The following TRAK1 variants were observed in gnomAD, a reference collection of about 807,000 sequenced individuals.
TRAK1 encodes trafficking kinesin protein 1.
In TRAK1, 33 loss-of-function variants were observed where a neutral mutation model predicts 92.1. The ratio of observed to expected loss-of-function variants is 0.36; its 90% CI spans 0.27 to 0.48. The LOEUF (loss-of-function observed/expected upper bound fraction) is 0.48, where lower values mean the gene tolerates loss of function less well. Among genes scored for constraint, TRAK1 ranks in the 20% least tolerant of loss-of-function variants. The pLI is 0.99. For missense variants in TRAK1, 1,123 were observed against 1,257.9 expected, an observed-to-expected ratio of 0.89 and a Z score of 1.62; for synonymous variants, 521 against 517.3, an observed-to-expected ratio of 1.01 and a Z score of -0.10.
intron 1 of TRAK1, among the ~76,000 whole-genome samples, chr3:42,108,006 C>A (rs1707829227): frequency 6.6e-6 from 1 of 151,820 alleles, no homozygotes; most frequent in Non-Finnish European, 1.5e-5. Flanking sequence ...GTAGGGAAGG[C>A]AGCCTTTGAG....
chr3:42,037,525 G>A (rs908415037), intron 1 of TRAK1, among the ~76,000 whole-genome samples: 1 of 152,254 alleles, frequency 6.6e-6, no homozygotes, highest in Non-Finnish European at 1.5e-5. Context: ...GGTGTTTACA[G>A]TCTGGTACTA....
intron 2 of TRAK1, chr3:42,149,276 C>A: frequency 2.9e-6 from 4 of 1,363,048 alleles, no homozygotes; most frequent in Non-Finnish European, 3.8e-6. Context: ...GGCAGTGCTG[C>A]CAGGGTCTCC....
chr3:42,058,300 C>CT (rs1432037269), intron 1 of TRAK1, among the ~76,000 whole-genome samples: 3 of 152,140 alleles, frequency 2.0e-5, no homozygotes, highest in African/African-American at 7.2e-5. Context: ...ATTATGATAA[C>CT]TGAGGACTGG....
In TRAK1 at chr3:42,188,138, T is replaced by C. The variant is rs1384534691; in HGVS notation, c.574T>C (p.Ser192Pro). 10 of 1,613,924 alleles carry C rather than the reference T, an allele frequency of 6.2e-6. No individual in the cohort carries two copies. The change falls in exon 5 of 16, where the codon TCA (serine) becomes CCA (proline). Residue 192 changes from serine (S) to proline (P), a missense_variant. Ser to Pro is a moderately conservative substitution (Grantham distance 74). Transcript: ENST00000327628. ...AEESEPESVCSTPLKRNESSS... is the reference protein window; with the variant it reads ...AEESEPESVCPTPLKRNESSS... Reference sequence around the variant, plus strand: ...GGAGAGTGAGCCCGAGTCCGTTTGCTCAACCCCGTAAGTCACCAGAGGGCT... The same window carrying C: ...GGAGAGTGAGCCCGAGTCCGTTTGCCCAACCCCGTAAGTCACCAGAGGGCT...
chr3:42,057,029 TG>T (rs1423408905), intron 1 of TRAK1, among the ~76,000 whole-genome samples: 10 of 152,174 alleles, frequency 6.6e-5, no homozygotes, highest in Non-Finnish European at 1.2e-4. Context: ...AACAGGGACC[TG>T]GTGAAGGGCA....
At chr3:42,153,555 G>A (rs962023182) in intron 2 of TRAK1, among the ~76,000 whole-genome samples, 1 of 152,078 alleles carries the variant, frequency 6.6e-6, no homozygotes, top group Admixed American at 6.6e-5. Context: ...GGTAGGAGGT[G>A]GTCTAGTTCA....
chr3:42,069,959 C>T (rs1187522663), intron 1 of TRAK1, among the ~76,000 whole-genome samples: 3 of 151,966 alleles, frequency 2.0e-5, no homozygotes, highest in Non-Finnish European at 2.9e-5. Context: ...TCAAGCGATT[C>T]TCCAGCCTCA....
intron 14 of TRAK1, chr3:42,217,867 G>C: frequency 1.0e-6 from 1 of 985,182 alleles, no homozygotes. Context: ...TTTTTGTTTT[G>C]CTTGTGGCAG....
chr3:42,053,131 T>G (rs1703046660), intron 1 of TRAK1, among the ~76,000 whole-genome samples: 2 of 152,170 alleles, frequency 1.3e-5, no homozygotes, highest in African/African-American at 2.4e-5. Context: ...TATGAGATCT[T>G]GCTTCTCCCA....
At chr3:42,095,828 T>A (rs1909115) in intron 1 of TRAK1, among the ~76,000 whole-genome samples, 78,560 of 152,016 alleles carry the variant, frequency 0.52, 21,605 homozygotes, top group South Asian at 0.68. Flanking sequence ...AGCAGTGCAA[T>A]GGTATCAGGT....
intron 2 of TRAK1, among the ~76,000 whole-genome samples, chr3:42,136,011 C>A (rs1262156426): frequency 6.6e-6 from 1 of 152,224 alleles, no homozygotes; most frequent in Non-Finnish European, 1.5e-5. Flanking sequence ...TGTCCATTCT[C>A]ATAGGTGCCT....
At chr3:42,091,013 G>A (rs1167762722), upstream of TRAK1, 2 of 166,624 alleles carry the variant, frequency 1.2e-5, no homozygotes, top group Non-Finnish European at 2.5e-5. Context: ...ATGCATCTGT[G>A]GCCTCCCAGG....
chr3:42,194,424 A>G (rs887360744), intron 9 of TRAK1, among the ~76,000 whole-genome samples: 7 of 149,552 alleles, frequency 4.7e-5, no homozygotes, highest in Middle Eastern at 3.4e-3. Flanking sequence ...TTTTTGAAAG[A>G]TGAGGTTTTC....
chr3:42,050,133 C>T (rs1041211667), intron 1 of TRAK1, among the ~76,000 whole-genome samples: 6 of 149,186 alleles, frequency 4.0e-5, no homozygotes, highest in African/African-American at 9.9e-5. Flanking sequence ...CTCCAGTCCC[C>T]TGCTTGGCTG....
chr3:42,125,288 A>G lies in TRAK1; in HGVS notation c.92-132A>G, dbSNP rs566759195. 9.2e-6 allele frequency: 7 copies of G among 762,608 alleles called. No homozygotes were observed. The South Asian group carries it at 1.1e-4, about 12-fold the overall frequency. The allele number at this position is 762,608 out of a possible 1,614,324, so 47.2% of individuals were successfully genotyped here. On this transcript the variant is annotated intron_variant, in intron 1 of 15. Coordinates refer to ENST00000327628, the MANE Select transcript of TRAK1 (RefSeq NM_001042646.3). ...TTTAAATTGGAAAAAGACTCCTGAT[A>G]TAGCCTTGTCTAGCTTCTTTGTGCT...
At chr3:42,141,681 C>A (rs1320865716) in intron 2 of TRAK1, among the ~76,000 whole-genome samples, 1 of 152,186 alleles carries the variant, frequency 6.6e-6, no homozygotes, top group Non-Finnish European at 1.5e-5. Flanking sequence ...CCATCCTCGA[C>A]ATTGCTAGGT....
intron 1 of TRAK1, among the ~76,000 whole-genome samples, chr3:42,049,294 C>T (rs1702888935): frequency 1.3e-5 from 2 of 151,428 alleles, no homozygotes; most frequent in South Asian, 4.2e-4. Context: ...AGTCTTTTGC[C>T]ATCTTGGTTC....
chr3:42,223,234 A>G lies in TRAK1; in HGVS notation c.2359A>G (p.Met787Val), dbSNP rs370814776. The change falls in exon 16 of 16, where the codon ATG becomes GTG. Residue 787 changes from methionine (M) to valine (V), a missense_variant. Physicochemically the swap from Met to Val is conservative, Grantham distance 21. This residue lies in a region of TRAK1 where 401 missense variants were observed against 438.9 expected (regional missense o/e 0.91). Coordinates refer to ENST00000327628, the MANE Select transcript of TRAK1 (RefSeq NM_001042646.3). This position sits in a 1 kb window ranked among gnomAD's most constrained non-coding sequence, Gnocchi z 6.1. ...VIPSTPPNSP[M>V]QTPTSSPPSF... ...CCCCTCTACTCCGCCGAACTCGCCT[A>G]TGCAGACACCCACATCCTCCCCACC... is the stretch of plus-strand genomic sequence containing the variant. 69 of 1,614,056 alleles carry G rather than the reference A, an allele frequency of 4.3e-5. No homozygotes were observed. The highest frequency in any genetic ancestry group is 5.6e-5 in the Non-Finnish European group (66 of 1,180,030).
upstream of TRAK1, chr3:42,013,769 T>TA (rs1354073629): frequency 6.7e-6 from 1 of 148,188 alleles, no homozygotes; most frequent in Non-Finnish European, 1.5e-5. The surrounding 1 kb of genome is among the most constrained non-coding windows in gnomAD (Gnocchi z 5.1). Flanking sequence ...CCCGAGCCCT[T>TA]GACGCCCGCG....
Sources: gnomAD v4.1 joint callset for allele counts (sites outside exome capture counted in the v4.1 genomes callset) on GRCh38, gnomAD v4.1.1 for gene constraint, gnomAD v4.1.1 regional missense constraint, Gnocchi (gnomAD v3.1) non-coding constraint, MANE v1.5 for transcripts, NCBI Gene and HGNC (gene_info 2026-07-23, HGNC 2026-07-21) for gene names.